The following NXPH1 variants were observed in gnomAD, a reference collection of about 807,000 sequenced individuals.
NXPH1 encodes the protein neurexophilin-1.
In NXPH1, 5 loss-of-function variants were observed where a neutral mutation model predicts 23.7. The observed-to-expected ratio is 0.21, with a 90% CI of 0.11 to 0.44. The LOEUF is 0.44. Among genes scored for constraint, NXPH1 ranks in the 20% least tolerant of loss-of-function variants. NXPH1 has a pLI of 0.99. For missense variants in NXPH1, 324 were observed against 321.6 expected (o/e 1.01, Z -0.06); for synonymous variants, 144 against 122.2 (o/e 1.18, Z -1.18).
chr7:8,480,191 T>C (rs912949136), intron 2 of NXPH1, among the ~76,000 whole-genome samples: 1 of 152,134 alleles, frequency 6.6e-6, no homozygotes, highest in South Asian at 2.1e-4. Flanking sequence ...GTTGGCCTTA[T>C]AATAACTCAT....
At chr7:8,517,304 G>C (rs546159936) in intron 2 of NXPH1, among the ~76,000 whole-genome samples, 3 of 152,134 alleles carry the variant, frequency 2.0e-5, no homozygotes, top group East Asian at 1.9e-4. Context: ...GGGACTAAAG[G>C]GTAAATAGCA....
intron 2 of NXPH1, among the ~76,000 whole-genome samples, chr7:8,481,341 T>G (rs1348549047): frequency 1.3e-5 from 2 of 152,164 alleles, no homozygotes. Flanking sequence ...ATTTATCTGG[T>G]TGCAGTGGTA....
intron 2 of NXPH1, among the ~76,000 whole-genome samples, chr7:8,597,971 A>T (rs985047438): frequency 1.3e-5 from 2 of 151,922 alleles, no homozygotes; most frequent in Non-Finnish European, 2.9e-5. Context: ...AGTGTAGTCA[A>T]TTAGCAGAGG....
intron 2 of NXPH1, among the ~76,000 whole-genome samples, chr7:8,608,932 T>C (rs1183995360): frequency 6.6e-6 from 1 of 152,148 alleles, no homozygotes; most frequent in Non-Finnish European, 1.5e-5. Flanking sequence ...CAGGGATATA[T>C]ACAGTAAGTC....
At chr7:8,463,476 T>A (rs778566608) in intron 2 of NXPH1, among the ~76,000 whole-genome samples, 16 of 152,172 alleles carry the variant, frequency 1.1e-4, no homozygotes, top group Non-Finnish European at 2.2e-4. Context: ...GGAAGTGAAC[T>A]TGCTGGGTCA....
rs550718836 is a variant in NXPH1 at position 8,488,810 on chromosome 7, A to G, written c.54+53043A>G. ...TTAAATGAGATAATCTCTGTATCAG[A>G]CTGTGTACAGTTTCTGGAAGATAGT... is the stretch of plus-strand genomic sequence containing the variant. On this transcript the variant is annotated intron_variant, in intron 2 of 2. Transcript: ENST00000405863. 1.5e-4 allele frequency among the ~76,000 whole-genome samples: 23 copies of G among 152,254 alleles called. No homozygotes were observed. In the South Asian group the frequency reaches 4.3e-3, roughly 29 times the overall value.
At chr7:8,462,713 G>A (rs764147024) in intron 2 of NXPH1, among the ~76,000 whole-genome samples, 7 of 152,134 alleles carry the variant, frequency 4.6e-5, no homozygotes, top group Non-Finnish European at 8.8e-5. Flanking sequence ...ACAACATGTT[G>A]TACATGATAT....
At chr7:8,696,014 T>C (rs1165991086) in intron 2 of NXPH1, among the ~76,000 whole-genome samples, 4 of 152,242 alleles carry the variant, frequency 2.6e-5, no homozygotes, top group African/African-American at 9.6e-5. Context: ...TCTAATAGCA[T>C]AAAGTTTCAA....
At chr7:8,472,011 ATAAT>A (rs1406341820) in intron 2 of NXPH1, among the ~76,000 whole-genome samples, 1 of 151,676 alleles carries the variant, frequency 6.6e-6, no homozygotes, top group African/African-American at 2.4e-5. Context: ...TAAAATATAA[ATAAT>A]ATTATTTTAT....
chr7:8,609,633 C>G (rs1039392090), intron 2 of NXPH1, among the ~76,000 whole-genome samples: 1 of 152,114 alleles, frequency 6.6e-6, no homozygotes, highest in Admixed American at 6.6e-5. Context: ...ACTAGTATTA[C>G]AGACAAAAAT....
At chr7:8,703,978 C>T (rs1048512531) in intron 2 of NXPH1, among the ~76,000 whole-genome samples, 5 of 151,814 alleles carry the variant, frequency 3.3e-5, no homozygotes, top group Non-Finnish European at 7.4e-5. Context: ...GAAGTCTGAC[C>T]CAGGATAAGA....
intron 2 of NXPH1, among the ~76,000 whole-genome samples, chr7:8,470,512 T>C (rs1319475922): frequency 6.6e-6 from 1 of 152,138 alleles, no homozygotes; most frequent in South Asian, 2.1e-4. Context: ...TATTAGACCA[T>C]TTAGGGCAAA....
At chr7:8,712,232 T>C (rs1334909498) in intron 2 of NXPH1, among the ~76,000 whole-genome samples, 2 of 151,320 alleles carry the variant, frequency 1.3e-5, no homozygotes, top group Non-Finnish European at 3.0e-5. Context: ...AATTTCAGGA[T>C]CAGTTTTCTT....
At chr7:8,536,738 G>T (rs1818033764) in intron 2 of NXPH1, among the ~76,000 whole-genome samples, 1 of 151,952 alleles carries the variant, frequency 6.6e-6, no homozygotes, top group African/African-American at 2.4e-5. Context: ...TAATATCCCA[G>T]ACAAGAGAAT....
chr7:8,520,163 A>G (rs753095802), intron 2 of NXPH1, among the ~76,000 whole-genome samples: 13 of 152,206 alleles, frequency 8.5e-5, no homozygotes, highest in Non-Finnish European at 1.5e-4. Flanking sequence ...TAATCTTCCA[A>G]TCTTTCATGC....
chr7:8,683,696 T>G (rs925905687), intron 2 of NXPH1, among the ~76,000 whole-genome samples: 2 of 152,202 alleles, frequency 1.3e-5, no homozygotes, highest in Non-Finnish European at 2.9e-5. Flanking sequence ...TGCATTTTTT[T>G]GGCATTAACT....
intron 2 of NXPH1, among the ~76,000 whole-genome samples, chr7:8,658,133 C>T (rs1820611027): frequency 6.6e-6 from 1 of 152,230 alleles, no homozygotes; most frequent in African/African-American, 2.4e-5. Flanking sequence ...TTTCTGTTTT[C>T]AGACCAGTAT....
intron 2 of NXPH1, among the ~76,000 whole-genome samples, chr7:8,732,637 T>C (rs1000681742): frequency 1.2e-4 from 18 of 152,206 alleles, no homozygotes; most frequent in Admixed American, 3.3e-4. Flanking sequence ...TAATGTGTTA[T>C]TTTAAATGTT....
At position 8,434,058 on chromosome 7, in the gene NXPH1, C is replaced by A. The variant is rs1040455012; in HGVS notation, c.-808C>A. On this transcript the variant is annotated 5_prime_UTR_variant, in exon 1 of 3. Transcript: ENST00000405863. This position sits in a 1 kb window ranked among gnomAD's most constrained non-coding sequence, Gnocchi z 7.6. ...AAACCCAAAGCGCTCCAGAGCGTCCCCGGGTGGCCGGGCAGCACCAGGGAC... is the reference window on the plus strand; with the variant it reads ...AAACCCAAAGCGCTCCAGAGCGTCCACGGGTGGCCGGGCAGCACCAGGGAC... 6.6e-6 allele frequency: 1 copy of A among 152,242 alleles called. No individual in the cohort carries two copies. Among genetic ancestry groups the A allele is most frequent in the African/African-American group, 2.4e-5 (1 of 41,472 alleles). The allele number at this position is 152,242 out of a possible 1,614,324, so 9.4% of individuals were successfully genotyped here. A position where few individuals can be genotyped will look rare whatever the true frequency, so the allele number is the denominator to read the frequency against.
Sources: allele counts gnomAD v4.1 joint callset (sites outside exome capture counted in the v4.1 genomes callset), GRCh38; gene constraint gnomAD v4.1.1; non-coding constraint Gnocchi (gnomAD v3.1); transcripts MANE v1.5; gene names NCBI Gene and HGNC (gene_info 2026-07-23, HGNC 2026-07-21).